DDHD2: variants seen among roughly 807,000 people sequenced by gnomAD.
DDHD2 encodes the protein DDHD domain containing 2.
In DDHD2, 62 loss-of-function variants were observed where a neutral mutation model predicts 91.2. That is an observed-to-expected ratio of 0.68 (90% CI 0.55 to 0.84). The LOEUF is 0.84. Ranked by LOEUF, DDHD2 falls within the 40% of genes least tolerant of loss-of-function variation. The pLI is 0.00. For missense variants in DDHD2, 740 were observed against 846.9 expected, an observed-to-expected ratio of 0.87 and a Z score of 1.57; for synonymous variants, 271 against 293.9, an observed-to-expected ratio of 0.92 and a Z score of 0.80.
intron 15 of DDHD2, 103 bp downstream of exon 15, chr8:38,253,230 G>C: frequency 8.4e-7 from 1 of 1,191,842 alleles, no homozygotes; most frequent in Non-Finnish European, 1.2e-6. Context: ...TAATTTCATA[G>C]TTAATATTGC....
At chr8:38,249,088 G>T (rs1805897126) in intron 10 of DDHD2, among the ~76,000 whole-genome samples, 1 of 151,910 alleles carries the variant, frequency 6.6e-6, no homozygotes, top group African/African-American at 2.4e-5. Flanking sequence ...ATCTAAGTCA[G>T]TATAGAAATC....
At chr8:38,256,491 T>A (rs72644707) in intron 16 of DDHD2, among the ~76,000 whole-genome samples, 12,135 of 152,022 alleles carry the variant, frequency 0.08, 808 homozygotes, top group East Asian at 0.31. Flanking sequence ...TAATTTTTTT[T>A]AAATTTATTT....
In DDHD2 at chr8:38,252,184, T is replaced by G. The variant is rs1396002402; in HGVS notation, c.1514T>G (p.Phe505Cys). 3.7e-6 allele frequency: 6 copies of G among 1,614,196 alleles called. No individual in the cohort carries two copies. Among genetic ancestry groups the G allele is most frequent in the Non-Finnish European group, 5.1e-6 (6 of 1,180,032 alleles). Residue 505 changes from phenylalanine (F) to cysteine (C), a missense_variant, in exon 13 of 18, where the codon TTT becomes TGT. Phe to Cys is a radical substitution (Grantham distance 205, BLOSUM62 -2). Around this residue, in one of 2 missense-constraint regions of DDHD2, gnomAD observed 693 missense variants for 764.2 expected, o/e 0.91. Coordinates refer to ENST00000397166, the MANE Select transcript of DDHD2 (RefSeq NM_015214.3). ...TATAAACCAGAGATATTCTTTGCCT[T>G]TGGATCTCCCATTGGAATGTTCCTT... ...LIYKPEIFFA[F>C]GSPIGMFLTV...
chr8:38,262,176 T>A lies in DDHD2; in HGVS notation c.*1603T>A, dbSNP rs1420577488. 2 of 152,184 alleles carry A rather than the reference T, an allele frequency of 1.3e-5. No individual in the cohort carries two copies. The highest frequency in any genetic ancestry group is 2.1e-4 in the South Asian group (1 of 4,830). The allele number at this position is 152,184 out of a possible 1,614,324, so 9.4% of individuals were successfully genotyped here. On this transcript the variant is annotated 3_prime_UTR_variant, in exon 18 of 18. Coordinates refer to ENST00000397166, the MANE Select transcript of DDHD2 (RefSeq NM_015214.3). Reference sequence around the variant, plus strand: ...AGATATATGGAATACTTTATTTTTTTAAAGGTATATAAACTCTGAGTTATT... The same window carrying A: ...AGATATATGGAATACTTTATTTTTTAAAAGGTATATAAACTCTGAGTTATT...
At position 38,240,263 on chromosome 8, in the gene DDHD2, T is replaced by C; in HGVS notation, c.623-12T>C. ...TTATACAGAATAATTTTCTTTTTAA[T>C]TTCATTTATAGGAGAACCTTTACAA... On this transcript the variant is annotated splice_polypyrimidine_tract_variant and intron_variant, in intron 5 of 17. Coordinates refer to ENST00000397166, the MANE Select transcript of DDHD2 (RefSeq NM_015214.3). 1 of 1,564,264 alleles carries C rather than the reference T, an allele frequency of 6.4e-7. No homozygotes were observed. Among genetic ancestry groups the C allele is most frequent in the Admixed American group, 1.7e-5 (1 of 59,156 alleles).
At chr8:38,245,527 G>A (rs936260420) in intron 7 of DDHD2, among the ~76,000 whole-genome samples, 1 of 151,966 alleles carries the variant, frequency 6.6e-6, no homozygotes, top group Non-Finnish European at 1.5e-5. Flanking sequence ...TTTATTTATG[G>A]AAGAAATGGG....
intron 11 of DDHD2, 182 bp from the exon 12 acceptor site, chr8:38,251,730 T>C (rs1270224746): frequency 1.9e-6 from 1 of 530,618 alleles, no homozygotes; most frequent in Non-Finnish European, 3.3e-6. Flanking sequence ...GGCTATACTT[T>C]TACTATATAG....
rs150361106 is a variant in DDHD2 at position 38,234,400 on chromosome 8, G to T, written c.227G>T (p.Gly76Val). 1.3e-6 allele frequency: 2 copies of T among 1,577,450 alleles called. No homozygotes were observed. Among genetic ancestry groups the T allele is most frequent in the East Asian group, 4.6e-5 (2 of 43,328 alleles). Residue 76 changes from glycine to valine, a missense_variant, in exon 3 of 18, where the codon GGT becomes GTT. Transcript: ENST00000397166. ...CCTTTTCAATCCTTGAAAGGAAAAG[G>T]TTGTAATGGGAGAGTTGTTCCTACT... ...QLEEAYSSGK[G>V]CNGRVVPTDG...
Position 38,252,984 on chromosome 8 carries a change from G to C in DDHD2, c.1748G>C (p.Ser583Thr). ...CTGAGAGAGGGCTTGACCAGGATGA[G>C]TATGGACCTTAAGAACAACTTGCTA... ...LELREGLTRM[S>T]MDLKNNLLGS... The change falls in exon 15 of 18, where the codon AGT becomes ACT. Residue 583 changes from serine (S) to threonine (T), a missense_variant. Around this residue, in one of 2 missense-constraint regions of DDHD2, gnomAD observed 693 missense variants for 764.2 expected, o/e 0.91. Transcript: ENST00000397166. The C allele has an allele frequency of 6.2e-7, 1 of 1,614,178 alleles. No individual in the cohort carries two copies. Among genetic ancestry groups the C allele is most frequent in the Non-Finnish European group, 8.5e-7 (1 of 1,180,024 alleles).
intron 2 of DDHD2, among the ~76,000 whole-genome samples, chr8:38,233,673 A>G (rs1804469511): frequency 6.6e-6 from 1 of 151,988 alleles, no homozygotes; most frequent in Non-Finnish European, 1.5e-5. Context: ...TCACACCTGT[A>G]ATCCCAGCAC....
intron 3 of DDHD2, among the ~76,000 whole-genome samples, chr8:38,236,539 G>C (rs1804770463): frequency 6.7e-6 from 1 of 149,292 alleles, no homozygotes; most frequent in African/African-American, 2.5e-5. Context: ...TTTTGAGACG[G>C]AGTTCCACTC....
At chr8:38,264,558 G>A, downstream of DDHD2, 1 of 1,584,928 alleles carries the variant, frequency 6.3e-7, no homozygotes, top group Non-Finnish European at 8.6e-7. Flanking sequence ...ACTGCCGATA[G>A]CAGACATAGG....
intron 7 of DDHD2, among the ~76,000 whole-genome samples, chr8:38,243,885 A>C (rs954584249): frequency 9.3e-5 from 14 of 150,566 alleles, no homozygotes; most frequent in Non-Finnish European, 1.8e-4. Flanking sequence ...GCTCACCGCA[A>C]CCTCCGACTC....
chr8:38,234,543 A>G lies in DDHD2; in HGVS notation c.370A>G (p.Lys124Glu), dbSNP rs191787470. The G allele has an allele frequency of 4.3e-6, 7 of 1,612,448 alleles. No individual in the cohort carries two copies. The Admixed American group carries it at 1.2e-4, about 27-fold the overall frequency. The change falls in exon 3 of 18, where the codon AAG becomes GAG. Residue 124 changes from lysine to glutamate, a missense_variant. Coordinates refer to ENST00000397166, the MANE Select transcript of DDHD2 (RefSeq NM_015214.3). ...TWFYKGDKDN[K>E]YVPYSESFSQ... The stretch of plus-strand genomic sequence containing the variant: ...GTTTTACAAGGGGGACAAAGACAAT[A>G]AGTATGTTCCCTACTCGGAGAGCTT...
At chr8:38,267,486 C>A, downstream of DDHD2, 1 of 1,443,006 alleles carries the variant, frequency 6.9e-7, no homozygotes, top group South Asian at 1.3e-5. Flanking sequence ...AACTATTGGT[C>A]AAATAGTGCC....
chr8:38,249,266 C>T (rs979610281), intron 10 of DDHD2, among the ~76,000 whole-genome samples: 1 of 151,944 alleles, frequency 6.6e-6, no homozygotes, highest in African/African-American at 2.4e-5. Flanking sequence ...GTGACTGCCA[C>T]TGCGCCTGGC....
chr8:38,249,644 C>T (rs1805947463), intron 10 of DDHD2, 64 bp from the exon 11 acceptor site: 3 of 1,196,892 alleles, frequency 2.5e-6, no homozygotes, highest in Non-Finnish European at 3.6e-6. Flanking sequence ...CCTTGTTCCT[C>T]TTAGGGGACA....
intron 3 of DDHD2, among the ~76,000 whole-genome samples, chr8:38,235,873 G>GCACACACACACACACA (rs36055483): frequency 2.4e-4 from 35 of 147,780 alleles, no homozygotes; most frequent in African/African-American, 7.8e-4. Flanking sequence ...AAGTACACGC[G>GCACACACACACACACA]CACACACACA....
rs1473706192 is a variant in DDHD2, at chr8:38,260,746, T to C, written c.*173T>C. ...GATAATCTTCCTCTTTGGAAATGAA[T>C]GGAAAAGCAAAAGGCCCTATTACTT... On this transcript the variant is annotated 3_prime_UTR_variant, in exon 18 of 18. Transcript: ENST00000397166. 1 of 152,718 alleles carries C rather than the reference T, an allele frequency of 6.5e-6. No homozygotes were observed. The highest frequency in any genetic ancestry group is 1.5e-5 in the Non-Finnish European group (1 of 68,092). 9.5% of individuals were successfully genotyped at this position (152,718 alleles called of 1,614,324 possible).
Sources: allele counts gnomAD v4.1 joint callset (sites outside exome capture counted in the v4.1 genomes callset), GRCh38; gene constraint gnomAD v4.1.1; regional missense constraint gnomAD v4.1.1; transcripts MANE v1.5; gene names NCBI Gene and HGNC (gene_info 2026-07-23, HGNC 2026-07-21).